HIP1: variants seen among roughly 807,000 people sequenced by gnomAD.
HIP1 encodes huntingtin-interacting protein 1.
A neutral mutation model predicts 147.6 loss-of-function variants in HIP1; 65 were observed. That is an observed-to-expected ratio of 0.44 (90% CI 0.36 to 0.54). HIP1 has a LOEUF of 0.54. HIP1 is among the 20% of genes least tolerant of loss of function. The probability of loss-of-function intolerance (pLI) is 0.00; values close to 1 mark genes in which losing one functional copy is unlikely to be tolerated. For missense variants in HIP1, 1,061 were observed against 1,299.6 expected, an observed-to-expected ratio of 0.82 and a Z score of 2.82; for synonymous variants, 479 against 504.0, an observed-to-expected ratio of 0.95 and a Z score of 0.67.
intron 1 of HIP1, among the ~76,000 whole-genome samples, chr7:75,632,914 C>T (rs980241118): frequency 3.9e-5 from 6 of 152,122 alleles, no homozygotes; most frequent in Admixed American, 6.6e-5. Flanking sequence ...GAACAGAAAA[C>T]GAAACACCGC....
intron 1 of HIP1, among the ~76,000 whole-genome samples, chr7:75,634,929 GACACT>G (rs1798368928): frequency 1.8e-5 from 2 of 110,018 alleles, no homozygotes; most frequent in Non-Finnish European, 3.4e-5. Flanking sequence ...GACAGAGTGA[GACACT>G]ATCTCTGAAA....
At chr7:75,678,149 C>G (rs2525476) in intron 1 of HIP1, among the ~76,000 whole-genome samples, 86,745 of 151,698 alleles carry the variant, frequency 0.57, 25,268 homozygotes, top group African/African-American at 0.66. Flanking sequence ...GATCCTGCAA[C>G]CAGTACCTGG....
chr7:75,726,821 C>T (rs116079367), intron 1 of HIP1, among the ~76,000 whole-genome samples: 14,298 of 150,544 alleles, frequency 0.095, 832 homozygotes, highest in Middle Eastern at 0.16. Context: ...GGATTACAGG[C>T]ACGCCCCACC....
chr7:75,666,407 T>C (rs564575726), intron 1 of HIP1, among the ~76,000 whole-genome samples: 20 of 152,248 alleles, frequency 1.3e-4, no homozygotes, highest in African/African-American at 4.3e-4. Context: ...TGACCTCAGA[T>C]GATCCACCCA....
intron 1 of HIP1, among the ~76,000 whole-genome samples, chr7:75,694,552 C>T (rs1236567128): frequency 6.7e-6 from 1 of 148,272 alleles, no homozygotes; most frequent in East Asian, 2.0e-4. Flanking sequence ...ACTCTGTCTC[C>T]CAGGCTGGAG....
chr7:75,654,354 C>T (rs1359303088), intron 1 of HIP1: 1 of 152,262 alleles, frequency 6.6e-6, no homozygotes, highest in African/African-American at 2.4e-5. Flanking sequence ...GAGTTCGCGC[C>T]ACTGCACTCC....
At chr7:75,693,200 C>T (rs758521701) in intron 1 of HIP1, among the ~76,000 whole-genome samples, 12 of 151,856 alleles carry the variant, frequency 7.9e-5, no homozygotes, top group Admixed American at 2.0e-4. Flanking sequence ...AAATTGCAAA[C>T]GGCATTCGAA....
chr7:75,602,303 C>CTTTTTTT (rs67019261), intron 1 of HIP1, among the ~76,000 whole-genome samples: 1 of 77,266 alleles, frequency 1.3e-5, no homozygotes, highest in African/African-American at 5.5e-5. Context: ...ACCTGGCCAG[C>CTTTTTTT]TTTTTTTTTT....
In HIP1 at chr7:75,557,759, C is replaced by A; in HGVS notation, c.1476G>T (p.Val492=). The A allele has an allele frequency of 6.2e-7, 1 of 1,613,268 alleles. No individual in the cohort carries two copies. ...GTCTGGCCATGGACACCTGTTTGGT[C>A]ACCTCTGCATTCTGCAAAAGAAGAA... ...HADLLRKNAE[V]TKQVSMARQA... Residue 492 remains valine (V), a synonymous_variant, in exon 16 of 31, where the codon GTG becomes GTT. Coordinates refer to ENST00000336926, the MANE Select transcript of HIP1 (RefSeq NM_005338.7).
intron 1 of HIP1, among the ~76,000 whole-genome samples, chr7:75,737,008 A>C (rs1312611061): frequency 6.6e-6 from 1 of 151,488 alleles, no homozygotes; most frequent in Non-Finnish European, 1.5e-5. Flanking sequence ...CTGCAGCCTC[A>C]GCCTCCTGGC....
intron 1 of HIP1, among the ~76,000 whole-genome samples, chr7:75,641,659 G>A (rs537960866): frequency 2.0e-4 from 30 of 151,694 alleles, no homozygotes; most frequent in African/African-American, 5.3e-4. Flanking sequence ...GCCCAGCCCC[G>A]GCTAATTTTG....
chr7:75,648,400 T>C (rs1323898273), intron 1 of HIP1, among the ~76,000 whole-genome samples: 3 of 152,022 alleles, frequency 2.0e-5, no homozygotes, highest in African/African-American at 7.3e-5. Context: ...TGGAGGAGCA[T>C]CAAGCCTCAA....
intron 8 of HIP1, among the ~76,000 whole-genome samples, chr7:75,570,197 G>A (rs1554496316): frequency 6.6e-6 from 1 of 151,838 alleles, no homozygotes; most frequent in African/African-American, 2.4e-5. Context: ...CTCCCAAAGT[G>A]CTGGGATTAC....
chr7:75,629,191 T>C (rs1798134025), intron 1 of HIP1, among the ~76,000 whole-genome samples: 1 of 152,208 alleles, frequency 6.6e-6, no homozygotes, highest in Non-Finnish European at 1.5e-5. Context: ...CTTATCCTGG[T>C]ACCAGTGAGA....
chr7:75,695,866 T>C (rs1356032946), intron 1 of HIP1, among the ~76,000 whole-genome samples: 3 of 152,004 alleles, frequency 2.0e-5, no homozygotes, highest in Admixed American at 6.6e-5. Flanking sequence ...TGAGCCACCG[T>C]GCCTGGCTGG....
At chr7:75,589,303 C>T (rs1163833667) in intron 4 of HIP1, among the ~76,000 whole-genome samples, 2 of 152,040 alleles carry the variant, frequency 1.3e-5, no homozygotes, top group African/African-American at 2.4e-5. Flanking sequence ...ATCCAGAATA[C>T]AGCAAAGACA....
In HIP1 at chr7:75,620,357, G is replaced by C. The variant is rs587747484; in HGVS notation, c.121-21110C>G. Among the ~76,000 whole-genome samples, 16 of 142,442 alleles carry C rather than the reference G, an allele frequency of 1.1e-4. 1 individual carries two copies. The South Asian group carries it at 3.6e-3, about 32-fold the overall frequency. 93.4% of individuals were successfully genotyped at this position (142,442 alleles called of 152,430 possible). On this transcript the variant is annotated intron_variant, in intron 1 of 30. Coordinates refer to ENST00000336926, the MANE Select transcript of HIP1 (RefSeq NM_005338.7). ...GCCAATATTGCGCCACTGTACACCA[G>C]CCTGGGCAACAGAGCAAGACCATGT...
intron 1 of HIP1, among the ~76,000 whole-genome samples, chr7:75,647,542 C>A (rs1798842731): frequency 1.3e-5 from 2 of 152,204 alleles, no homozygotes; most frequent in Admixed American, 1.3e-4. Context: ...TAAGCCATCT[C>A]AGAAGTGTGC....
intron 1 of HIP1, among the ~76,000 whole-genome samples, chr7:75,655,991 T>G (rs1799128525): frequency 6.6e-6 from 1 of 151,674 alleles, no homozygotes; most frequent in Admixed American, 6.6e-5. Context: ...TGGTGGTGCG[T>G]GCCTGTGGTC....
Sources: allele counts gnomAD v4.1 joint callset (sites outside exome capture counted in the v4.1 genomes callset), GRCh38; gene constraint gnomAD v4.1.1; transcripts MANE v1.5; gene names NCBI Gene and HGNC (gene_info 2026-07-23, HGNC 2026-07-21).